The following THRSP variants were observed in gnomAD, a reference collection of about 807,000 sequenced individuals.
THRSP encodes the protein thyroid hormone responsive.
THRSP carries 9 observed loss-of-function variants against 11.1 expected under a neutral mutation model. The ratio of observed to expected loss-of-function variants is 0.81; its 90% CI spans 0.49 to 1.42. The LOEUF is 1.42. Among genes scored for constraint, THRSP ranks in the 40% most tolerant of loss-of-function variants. The pLI is 0.00. For missense variants in THRSP, 177 were observed against 188.2 expected (o/e 0.94, Z 0.35); for synonymous variants, 73 against 78.1 (o/e 0.94, Z 0.34).
chr11:78,064,690 T>A (rs1244673062), intron 1 of THRSP, among the ~76,000 whole-genome samples: 2 of 152,066 alleles, frequency 1.3e-5, no homozygotes, highest in African/African-American at 4.8e-5. Flanking sequence ...CATCAGTGAC[T>A]TTGTTAAGAA....
chr11:78,064,483 A>G (rs947421026), intron 1 of THRSP, 142 bp downstream of exon 1: 6 of 705,640 alleles, frequency 8.5e-6, no homozygotes, highest in Admixed American at 3.0e-5. Context: ...TGGGACCACA[A>G]CCTAGGAGGG....
intron 1 of THRSP, among the ~76,000 whole-genome samples, chr11:78,066,468 C>T (rs1017135426): frequency 6.6e-6 from 1 of 152,122 alleles, no homozygotes; most frequent in Non-Finnish European, 1.5e-5. Flanking sequence ...CCCAGCCTAT[C>T]ATTCCCTTTT....
At chr11:78,065,857 T>C (rs879424306) in intron 1 of THRSP, among the ~76,000 whole-genome samples, 5 of 152,206 alleles carry the variant, frequency 3.3e-5, no homozygotes, top group African/African-American at 4.8e-5. Flanking sequence ...CCAGGCATTT[T>C]CTCAGCCATT....
chr11:78,067,262 C>T (rs1032345767), intron 1 of THRSP, among the ~76,000 whole-genome samples: 1 of 151,970 alleles, frequency 6.6e-6, no homozygotes, highest in African/African-American at 2.4e-5. Flanking sequence ...GCTGGGATTA[C>T]AGGCTCACGC....
At chr11:78,064,636 GT>G (rs1858680024) in intron 1 of THRSP, among the ~76,000 whole-genome samples, 1 of 152,306 alleles carries the variant, frequency 6.6e-6, no homozygotes, top group Non-Finnish European at 1.5e-5. Context: ...GCATTTATTA[GT>G]ATGTGAATGC....
At chr11:78,064,459 T>C in intron 1 of THRSP, 118 bp downstream of exon 1, 3 of 892,364 alleles carry the variant, frequency 3.4e-6, no homozygotes, top group Non-Finnish European at 3.4e-6. Flanking sequence ...AGAGCCACTC[T>C]TGGGTCAGGG....
At chr11:78,065,589 T>C (rs1011910925) in intron 1 of THRSP, among the ~76,000 whole-genome samples, 2 of 152,200 alleles carry the variant, frequency 1.3e-5, no homozygotes, top group Non-Finnish European at 2.9e-5. Flanking sequence ...AACCACCTGA[T>C]GCAGCTATGT....
rs750409245 is a variant in THRSP at position 78,063,906 on chromosome 11, C to T, written c.25C>T (p.Pro9Ser). MQVLTKRY[P>S]KNCLLTVMDR... The stretch of plus-strand genomic sequence containing the variant: ...CATGCAGGTGCTAACCAAGCGTTAC[C>T]CCAAGAACTGCCTGCTGACCGTCAT... Residue 9 changes from proline (P) to serine (S), a missense_variant, in exon 1 of 2, where the codon CCC (proline) becomes TCC (serine). By Grantham distance (74) the Pro-to-Ser change is moderately conservative (BLOSUM62 -1). Coordinates refer to ENST00000281030, the MANE Select transcript of THRSP (RefSeq NM_003251.4). 3.1e-6 allele frequency: 5 copies of T among 1,589,314 alleles called. No individual in the cohort carries two copies. Among genetic ancestry groups the T allele is most frequent in the Non-Finnish European group, 4.3e-6 (5 of 1,168,226 alleles).
At chr11:78,065,544 G>C (rs586067) in intron 1 of THRSP, among the ~76,000 whole-genome samples, 21,147 of 152,162 alleles carry the variant, frequency 0.14, 1,881 homozygotes, top group East Asian at 0.27. Flanking sequence ...GGTCTCATTA[G>C]TTGTAAACAA....
chr11:78,064,974 G>A (rs592369), intron 1 of THRSP, among the ~76,000 whole-genome samples: 97,200 of 147,056 alleles, frequency 0.66, 32,171 homozygotes, highest in Non-Finnish European at 0.69. Context: ...AGGTGACAGA[G>A]GGAGACTCCA....
intron 1 of THRSP, among the ~76,000 whole-genome samples, chr11:78,065,071 C>T (rs1858698596): frequency 6.6e-6 from 1 of 151,824 alleles, no homozygotes; most frequent in Admixed American, 6.6e-5. Flanking sequence ...CAGTGTTTCC[C>T]AACATTTTTT....
rs1359295129 is a variant in THRSP, at chr11:78,064,296, C to T, written c.415C>T (p.Gln139Ter). The T allele has an allele frequency of 3.7e-6, 6 of 1,611,918 alleles. No homozygotes were observed. Among genetic ancestry groups the T allele is most frequent in the Non-Finnish European group, 5.1e-6 (6 of 1,179,084 alleles). The change falls in exon 1 of 2, where the codon CAG becomes TAG. Residue 139 changes from glutamine (Q) to a stop codon, truncating the protein, a stop_gained. Coordinates refer to ENST00000281030, the MANE Select transcript of THRSP (RefSeq NM_003251.4). LOFTEE classifies it high-confidence loss of function. The stretch of plus-strand genomic sequence containing the variant: ...AGCCCAGGAGGTGACAAGGAAATAC[C>T]AGGAAATGACGGGACAAGTTTGGTA... ...EKAQEVTRKY[Q>*]EMTGQVW is the part of the protein sequence containing the mutation.
In THRSP at chr11:78,067,724, T is replaced by C. The variant is rs1414918563; in HGVS notation, c.*85T>C. 2 of 152,254 alleles carry C rather than the reference T, an allele frequency of 1.3e-5. No individual in the cohort carries two copies. The highest frequency in any genetic ancestry group is 2.9e-5 in the Non-Finnish European group (2 of 68,062). 9.4% of individuals were successfully genotyped at this position (152,254 alleles called of 1,614,324 possible). A position where few individuals can be genotyped will look rare whatever the true frequency, so the allele number is the denominator to read the frequency against. The stretch of plus-strand genomic sequence containing the variant: ...GGCGGAGCAGTTCACTAGCCAATGA[T>C]GAGAGCAGAAAGGCCTAGACCTGCA... On this transcript the variant is annotated 3_prime_UTR_variant, in exon 2 of 2. Transcript: ENST00000281030.
intron 1 of THRSP, among the ~76,000 whole-genome samples, chr11:78,065,423 C>A (rs1431164166): frequency 6.6e-6 from 1 of 152,124 alleles, no homozygotes; most frequent in South Asian, 2.1e-4. Context: ...GGGGCCCTAG[C>A]ATGGTCACCA....
intron 1 of THRSP, among the ~76,000 whole-genome samples, chr11:78,065,609 T>C (rs1012577920): frequency 1.1e-4 from 17 of 152,172 alleles, no homozygotes; most frequent in African/African-American, 3.9e-4. Flanking sequence ...TAGGAAAAGA[T>C]TCTCATCCCC....
chr11:78,068,073 A>T lies in THRSP; in HGVS notation c.*434A>T, dbSNP rs1858823134. The T allele has an allele frequency of 6.6e-6, 1 of 152,212 alleles. No homozygotes were observed. Among genetic ancestry groups the T allele is most frequent in the Non-Finnish European group, 1.5e-5 (1 of 68,044 alleles). 9.4% of individuals were successfully genotyped at this position (152,212 alleles called of 1,614,324 possible). Reference sequence around the variant, plus strand: ...ATTCCCTCATCTATAAAATGGGGATAATATTATCTACCTCACAAGCTTATG... The same window carrying T: ...ATTCCCTCATCTATAAAATGGGGATTATATTATCTACCTCACAAGCTTATG... On this transcript the variant is annotated 3_prime_UTR_variant, in exon 2 of 2. Coordinates refer to ENST00000281030, the MANE Select transcript of THRSP (RefSeq NM_003251.4).
rs1219561853 is a variant in THRSP at position 78,064,402 on chromosome 11, G to C, written c.*19+61G>C. On this transcript the variant is annotated intron_variant, in intron 1 of 1. Coordinates refer to ENST00000281030, the MANE Select transcript of THRSP (RefSeq NM_003251.4). ...AAGGGACATTCCAGGAGAGGAGAGG[G>C]GGCAGTGGTGCAACCCACTGGGAGA... 5 of 1,421,646 alleles carry C rather than the reference G, an allele frequency of 3.5e-6. No homozygotes were observed. The African/African-American group carries it at 7.2e-5, about 20-fold the overall frequency. 88.1% of individuals were successfully genotyped at this position (1,421,646 alleles called of 1,614,324 possible). A position where few individuals can be genotyped will look rare whatever the true frequency, so the allele number is the denominator to read the frequency against.
chr11:78,064,238 C>T lies in THRSP; in HGVS notation c.357C>T (p.Ser119=). The T allele has an allele frequency of 6.2e-7, 1 of 1,614,076 alleles. No individual in the cohort carries two copies. The highest frequency in any genetic ancestry group is 8.5e-7 in the Non-Finnish European group (1 of 1,180,002). Reference sequence around the variant, plus strand: ...CCCAGTTCCACCTGCACTTCTCCAGCCTCCATCACATCCTCATGCACCTCA... The same window carrying T: ...CCCAGTTCCACCTGCACTTCTCCAGTCTCCATCACATCCTCATGCACCTCA... The part of the protein sequence containing the change: ...LEAQFHLHFS[S]LHHILMHLTE... Residue 119 remains serine (S), a synonymous_variant, in exon 1 of 2, where the codon AGC becomes AGT. Coordinates refer to ENST00000281030, the MANE Select transcript of THRSP (RefSeq NM_003251.4).
intron 1 of THRSP, among the ~76,000 whole-genome samples, chr11:78,066,980 T>C (rs987933092): frequency 4.7e-5 from 7 of 149,772 alleles, no homozygotes; most frequent in Non-Finnish European, 7.4e-5. Context: ...TGCACGCCAC[T>C]ACACCCAGCT....
Sources: gnomAD v4.1 joint callset for allele counts (sites outside exome capture counted in the v4.1 genomes callset) on GRCh38, gnomAD v4.1.1 for gene constraint, MANE v1.5 for transcripts, NCBI Gene and HGNC (gene_info 2026-07-23, HGNC 2026-07-21) for gene names.